The following CACNA1C variants were observed in gnomAD, a reference collection of about 807,000 sequenced individuals.
The protein encoded by CACNA1C is calcium voltage-gated channel subunit alpha1 C, also known as voltage-dependent L-type calcium channel subunit alpha-1C.
Under a neutral mutation model 229.0 loss-of-function variants are expected in CACNA1C, and 30 were observed. That is an observed-to-expected ratio of 0.13 (90% CI 0.10 to 0.18). The LOEUF (loss-of-function observed/expected upper bound fraction) is 0.18, where lower values mean the gene tolerates loss of function less well. Among genes scored for constraint, CACNA1C ranks in the 10% least tolerant of loss-of-function variants. CACNA1C has a pLI of 1.00. For missense variants in CACNA1C, 1,658 were observed against 2,845.0 expected, an observed-to-expected ratio of 0.58 and a Z score of 9.49; for synonymous variants, 1,114 against 1,132.5, an observed-to-expected ratio of 0.98 and a Z score of 0.33.
intron 3 of CACNA1C, among the ~76,000 whole-genome samples, chr12:2,377,205 G>T (rs1041242567): frequency 1.3e-5 from 2 of 152,182 alleles, no homozygotes; most frequent in African/African-American, 4.8e-5. Flanking sequence ...ACCAGCATGA[G>T]CTGTGGGTTT....
chr12:2,579,425 G>A (rs2059740045), intron 13 of CACNA1C, among the ~76,000 whole-genome samples: 2 of 152,012 alleles, frequency 1.3e-5, no homozygotes, highest in Admixed American at 1.3e-4. Flanking sequence ...CAGTGTATTG[G>A]CAGGTGTTGG....
At chr12:2,610,312 A>G (rs1336396820) in intron 27 of CACNA1C, among the ~76,000 whole-genome samples, 2 of 152,172 alleles carry the variant, frequency 1.3e-5, no homozygotes, top group Non-Finnish European at 2.9e-5. Context: ...CGGGGATTTG[A>G]CAAGAAGGGG....
At chr12:2,142,671 T>C (rs1197089759) in intron 3 of CACNA1C, among the ~76,000 whole-genome samples, 1 of 151,266 alleles carries the variant, frequency 6.6e-6, no homozygotes, top group Non-Finnish European at 1.5e-5. Flanking sequence ...GACAGTGATA[T>C]GGATGATCCT....
In CACNA1C at chr12:2,569,300, TA is replaced by T. The variant is rs2053034211; in HGVS notation, c.1895+1510del. Among the ~76,000 whole-genome samples the T allele has an allele frequency of 2.0e-5, 3 of 150,866 alleles. 1 individual carries two copies. In the South Asian group the frequency reaches 6.3e-4, roughly 31 times the overall value. On this transcript the variant is annotated intron_variant, in intron 13 of 46. Transcript: ENST00000399655. Reference sequence around the variant, plus strand: ...ATTTATTGGATCACAACCATCATTTTAAAACATACTGAAATATAATTCATAT... The same window carrying T: ...ATTTATTGGATCACAACCATCATTTTAAACATACTGAAATATAATTCATAT...
chr12:2,350,131 G>A (rs772169579), intron 3 of CACNA1C, among the ~76,000 whole-genome samples: 9 of 152,178 alleles, frequency 5.9e-5, no homozygotes, highest in Non-Finnish European at 8.8e-5. Flanking sequence ...GGCCTATAAG[G>A]AATTCCTTCT....
At chr12:2,155,129 G>A (rs1046021798) in intron 3 of CACNA1C, among the ~76,000 whole-genome samples, 5 of 152,168 alleles carry the variant, frequency 3.3e-5, no homozygotes, top group Admixed American at 1.3e-4. Context: ...ACACAGAGGC[G>A]TCACACACAC....
chr12:2,262,084 G>A (rs1322923504), intron 3 of CACNA1C, among the ~76,000 whole-genome samples: 4 of 152,208 alleles, frequency 2.6e-5, no homozygotes, highest in South Asian at 2.1e-4. Context: ...GCAGAGGCTC[G>A]CCAAGGGGCA....
chr12:2,413,565 C>T (rs751933473), intron 3 of CACNA1C, among the ~76,000 whole-genome samples: 9 of 152,208 alleles, frequency 5.9e-5, no homozygotes, highest in Non-Finnish European at 1.2e-4. Context: ...TTCCAAAGCC[C>T]GCTATCCCGA....
chr12:2,244,452 A>C (rs1043115916), intron 3 of CACNA1C, among the ~76,000 whole-genome samples: 2 of 152,230 alleles, frequency 1.3e-5, no homozygotes, highest in Admixed American at 1.3e-4. Context: ...TTACCTATGC[A>C]AAACACTAAA....
chr12:2,257,665 G>T (rs575836788), intron 3 of CACNA1C, among the ~76,000 whole-genome samples: 1 of 152,326 alleles, frequency 6.6e-6, no homozygotes, highest in South Asian at 2.1e-4. Flanking sequence ...CCCCGCTCTA[G>T]CGTGTTCCCT....
At chr12:2,014,008 G>C (rs755254927) in intron 1 of CACNA1C, among the ~76,000 whole-genome samples, 3 of 152,264 alleles carry the variant, frequency 2.0e-5, no homozygotes, top group African/African-American at 7.2e-5. Context: ...AAAGGGAAGG[G>C]TGTTTTCCAC....
intron 30 of CACNA1C, among the ~76,000 whole-genome samples, chr12:2,645,557 A>G (rs1362670965): frequency 1.3e-5 from 2 of 152,220 alleles, no homozygotes; most frequent in African/African-American, 4.8e-5. Flanking sequence ...CCATCTCAGC[A>G]GGGGATTCAT....
At chr12:2,153,732 A>G (rs553118010) in intron 3 of CACNA1C, among the ~76,000 whole-genome samples, 3 of 152,160 alleles carry the variant, frequency 2.0e-5, no homozygotes, top group Non-Finnish European at 4.4e-5. Context: ...TCTTGGGGAA[A>G]AGGCTCTCCT....
intron 3 of CACNA1C, among the ~76,000 whole-genome samples, chr12:2,334,463 G>C (rs1446017227): frequency 6.6e-6 from 1 of 152,138 alleles, no homozygotes; most frequent in South Asian, 2.1e-4. Context: ...GAGGAATTGT[G>C]CTGTAGTGAG....
chr12:2,253,885 C>T (rs527442070), intron 3 of CACNA1C, among the ~76,000 whole-genome samples: 32 of 152,112 alleles, frequency 2.1e-4, no homozygotes, highest in Non-Finnish European at 4.4e-4. Flanking sequence ...TCTCACATGC[C>T]TGATTTATGG....
chr12:1,984,419 T>C (rs1055768802), intron 1 of CACNA1C, among the ~76,000 whole-genome samples: 1 of 152,074 alleles, frequency 6.6e-6, no homozygotes, highest in Non-Finnish European at 1.5e-5. Flanking sequence ...AAATACAATA[T>C]ACATATCTAA....
chr12:2,581,845 C>A, intron 14 of CACNA1C, 48 bp downstream of exon 14: 2 of 1,221,572 alleles, frequency 1.6e-6, no homozygotes, highest in Non-Finnish European at 2.4e-6. Flanking sequence ...GGTTGAGTGG[C>A]GGGGTGGTGG....
rs560278965 is a variant in CACNA1C at position 2,467,937 on chromosome 12, C to T, written c.757+10231C>T. 7.2e-5 allele frequency among the ~76,000 whole-genome samples: 11 copies of T among 152,250 alleles called. 2 individuals are homozygous for T. The South Asian group carries it at 1.0e-3, about 14-fold the overall frequency. ...TACAAAGAGTGAGTGATGGGGGTGC[C>T]ATGGATAAGGAGGAGATTCTACCTG... On this transcript the variant is annotated intron_variant, in intron 5 of 46. Coordinates refer to ENST00000399655, the MANE Select transcript of CACNA1C (RefSeq NM_000719.7). This position sits in a 1 kb window ranked among gnomAD's most constrained non-coding sequence, Gnocchi z 4.6.
chr12:2,676,067 A>G (rs548624619), intron 39 of CACNA1C: 1 of 152,364 alleles, frequency 6.6e-6, no homozygotes, highest in East Asian at 1.9e-4. Context: ...AGGGAACTAA[A>G]GTTCTTAGAA....
Sources: allele counts gnomAD v4.1 joint callset (sites outside exome capture counted in the v4.1 genomes callset), GRCh38; gene constraint gnomAD v4.1.1; non-coding constraint Gnocchi (gnomAD v3.1); transcripts MANE v1.5; gene names NCBI Gene and HGNC (gene_info 2026-07-23, HGNC 2026-07-21).